The following FARS2 variants were observed in gnomAD, a reference collection of about 807,000 sequenced individuals.
The protein encoded by FARS2 is phenylalanyl-tRNA synthetase 2, mitochondrial, also known as phenylalanine--tRNA ligase, mitochondrial.
In FARS2, 40 loss-of-function variants were observed where a neutral mutation model predicts 46.4. That is an observed-to-expected ratio of 0.86 (90% CI 0.67 to 1.12). The LOEUF (loss-of-function observed/expected upper bound fraction) is 1.12, where lower values mean the gene tolerates loss of function less well. Ranked by LOEUF, FARS2 falls within the 50% of genes most tolerant of loss-of-function variation. The pLI, the probability that FARS2 is intolerant of heterozygous loss-of-function variation, is 0.00. For synonymous variants in FARS2, 234 were observed against 214.9 expected, an observed-to-expected ratio of 1.09 and a Z score of -0.78; for missense variants, 513 against 567.9, an observed-to-expected ratio of 0.90 and a Z score of 0.98.
intron 1 of FARS2, among the ~76,000 whole-genome samples, chr6:5,282,529 G>A (rs4516991): frequency 0.021 from 3,271 of 152,258 alleles, 107 homozygotes; most frequent in African/African-American, 0.074. Flanking sequence ...GGAGGCCACC[G>A]GAGTTGAGGG....
chr6:5,631,648 G>A (rs939031389), intron 6 of FARS2, among the ~76,000 whole-genome samples: 2 of 152,212 alleles, frequency 1.3e-5, no homozygotes, highest in East Asian at 1.9e-4. Context: ...CTGCCCCACA[G>A]GCAGCTTCAC....
chr6:5,317,422 G>C (rs986897517), intron 1 of FARS2, among the ~76,000 whole-genome samples: 1 of 152,090 alleles, frequency 6.6e-6, no homozygotes, highest in Admixed American at 6.5e-5. Flanking sequence ...ATGGAAAAAG[G>C]GGAAGCACAC....
chr6:5,355,865 C>G (rs1426132480), intron 1 of FARS2, among the ~76,000 whole-genome samples: 1 of 152,192 alleles, frequency 6.6e-6, no homozygotes, highest in African/African-American at 2.4e-5. Flanking sequence ...GATATACACT[C>G]AACCCAATAT....
At chr6:5,495,408 T>C (rs1767400424) in intron 4 of FARS2, among the ~76,000 whole-genome samples, 1 of 152,236 alleles carries the variant, frequency 6.6e-6, no homozygotes, top group Non-Finnish European at 1.5e-5. Context: ...GAAGAAATTG[T>C]ACATGGGGCT....
chr6:5,294,051 A>G (rs967523021), intron 1 of FARS2, among the ~76,000 whole-genome samples: 1 of 152,238 alleles, frequency 6.6e-6, no homozygotes, highest in Non-Finnish European at 1.5e-5. Context: ...TGTGATTATT[A>G]TACAACCTAG....
At chr6:5,525,772 C>G (rs1022004701) in intron 4 of FARS2, among the ~76,000 whole-genome samples, 5 of 152,226 alleles carry the variant, frequency 3.3e-5, no homozygotes, top group African/African-American at 1.2e-4. Context: ...TGATAATTAA[C>G]TTGGCTTCAG....
chr6:5,356,938 AT>A (rs34837301), intron 1 of FARS2, among the ~76,000 whole-genome samples: 44,332 of 148,170 alleles, frequency 0.3, 6,824 homozygotes, highest in Non-Finnish European at 0.36. Context: ...GTGGAGGGCT[AT>A]TTTTTTTTTT....
chr6:5,580,440 T>G (rs1342372193), intron 5 of FARS2, among the ~76,000 whole-genome samples: 1 of 152,160 alleles, frequency 6.6e-6, no homozygotes, highest in African/African-American at 2.4e-5. Context: ...GCATATTTAT[T>G]ATACTGTAGT....
intron 4 of FARS2, among the ~76,000 whole-genome samples, chr6:5,439,502 G>A (rs1277875141): frequency 6.6e-6 from 1 of 152,178 alleles, no homozygotes; most frequent in African/African-American, 2.4e-5. Flanking sequence ...TCCAAGTGTT[G>A]ACTCTCCTGT....
chr6:5,575,107 A>T (rs575709965), intron 5 of FARS2, among the ~76,000 whole-genome samples: 155 of 152,340 alleles, frequency 1.0e-3, no homozygotes, highest in African/African-American at 3.6e-3. Flanking sequence ...GACACATCAC[A>T]GCCTTCTTGG....
At chr6:5,419,498 C>T (rs946609642) in intron 3 of FARS2, among the ~76,000 whole-genome samples, 1 of 152,074 alleles carries the variant, frequency 6.6e-6, no homozygotes. Context: ...CTGTTTTCTT[C>T]GTTCCTGTCC....
chr6:5,576,228 T>C (rs1772953510), intron 5 of FARS2, among the ~76,000 whole-genome samples: 1 of 152,066 alleles, frequency 6.6e-6, no homozygotes, highest in South Asian at 2.1e-4. Flanking sequence ...TCTGTGAGGG[T>C]GTTGCCAAAG....
intron 5 of FARS2, among the ~76,000 whole-genome samples, chr6:5,601,511 T>C (rs1261765318): frequency 1.2e-4 from 12 of 100,886 alleles, no homozygotes; most frequent in African/African-American, 4.3e-4. Flanking sequence ...GCAACGAGAG[T>C]GAAACTCCAT....
chr6:5,743,686 T>G (rs184470363), intron 6 of FARS2, among the ~76,000 whole-genome samples: 11 of 152,310 alleles, frequency 7.2e-5, no homozygotes, highest in Admixed American at 2.0e-4. Flanking sequence ...AGGGAGCACA[T>G]TGTTGGTAGA....
chr6:5,440,121 A>G (rs2127785231), intron 4 of FARS2, among the ~76,000 whole-genome samples: 1 of 152,334 alleles, frequency 6.6e-6, no homozygotes, highest in South Asian at 2.1e-4. Context: ...TTAAGAAAAT[A>G]AAATATAAAA....
chr6:5,589,363 C>T (rs575546063), intron 5 of FARS2, among the ~76,000 whole-genome samples: 1 of 152,326 alleles, frequency 6.6e-6, no homozygotes, highest in Non-Finnish European at 1.5e-5. Flanking sequence ...AAATATTGAT[C>T]CTTAGTGGTA....
chr6:5,432,314 TA>T (rs775731412), intron 4 of FARS2, among the ~76,000 whole-genome samples: 8,563 of 96,736 alleles, frequency 0.089, 508 homozygotes, highest in East Asian at 0.24. Context: ...CACTCAGTCT[TA>T]AAAAAAAAAA....
At chr6:5,383,766 T>A (rs1273238196) in intron 2 of FARS2, among the ~76,000 whole-genome samples, 1 of 151,920 alleles carries the variant, frequency 6.6e-6, no homozygotes, top group African/African-American at 2.4e-5. Context: ...TCTACTTTTT[T>A]TTTTTTTTAA....
rs1310098594 is a variant in FARS2, at chr6:5,728,356, G to A, written c.1218-42935G>A. Reference sequence around the variant, plus strand: ...TTGGAGGGGGATTATGGATTTTGGAGCATTAAAGCTTTATTGTTTTTGTTT... The same window carrying A: ...TTGGAGGGGGATTATGGATTTTGGAACATTAAAGCTTTATTGTTTTTGTTT... On this transcript the variant is annotated intron_variant, in intron 6 of 6. Transcript: ENST00000274680. Among the ~76,000 whole-genome samples, 3 of 152,138 alleles carry A rather than the reference G, an allele frequency of 2.0e-5. No individual in the cohort carries two copies. The East Asian group carries it at 5.8e-4, about 30-fold the overall frequency.
Sources: gnomAD v4.1 joint callset for allele counts (sites outside exome capture counted in the v4.1 genomes callset) on GRCh38, gnomAD v4.1.1 for gene constraint, MANE v1.5 for transcripts, NCBI Gene and HGNC (gene_info 2026-07-23, HGNC 2026-07-21) for gene names.